The following TRPM3 variants were observed in gnomAD, a reference collection of about 807,000 sequenced individuals.
TRPM3 encodes the protein transient receptor potential cation channel subfamily M member 3.
TRPM3 carries 77 observed loss-of-function variants against 181.2 expected under a neutral mutation model. That is an observed-to-expected ratio of 0.42 (90% CI 0.35 to 0.51). TRPM3 has a LOEUF of 0.51. Ranked by LOEUF, TRPM3 falls within the 20% of genes least tolerant of loss-of-function variation. The pLI is 0.01. For synonymous variants in TRPM3, 745 were observed against 796.4 expected (o/e 0.94, Z 1.09); for missense variants, 1,759 against 2,196.7 (o/e 0.80, Z 3.98).
At chr9:70,592,793 C>T (rs780296659) in intron 21 of TRPM3, among the ~76,000 whole-genome samples, 2 of 152,032 alleles carry the variant, frequency 1.3e-5, no homozygotes, top group African/African-American at 4.8e-5. Flanking sequence ...TGCAGTGGAG[C>T]GATCTCGGCT....
intron 1 of TRPM3, among the ~76,000 whole-genome samples, chr9:71,388,112 A>G (rs773043314): frequency 3.3e-5 from 5 of 152,166 alleles, no homozygotes; most frequent in Non-Finnish European, 7.4e-5. Context: ...TCTTGGCAGC[A>G]TCCATCTTAC....
intron 1 of TRPM3, among the ~76,000 whole-genome samples, chr9:70,891,936 C>A (rs765819119): frequency 6.6e-6 from 1 of 152,136 alleles, no homozygotes; most frequent in Non-Finnish European, 1.5e-5. Context: ...CTTACCATAT[C>A]CCAGAGTTTC....
intron 1 of TRPM3, among the ~76,000 whole-genome samples, chr9:71,172,306 G>A (rs1204489012): frequency 3.3e-5 from 5 of 152,138 alleles, no homozygotes; most frequent in Non-Finnish European, 5.9e-5. Flanking sequence ...TCTCATTCCT[G>A]ATAGAGGAAC....
chr9:70,556,761 T>G (rs1274200752), intron 22 of TRPM3, among the ~76,000 whole-genome samples: 2 of 152,164 alleles, frequency 1.3e-5, no homozygotes, highest in African/African-American at 4.8e-5. Flanking sequence ...CTCTGCCATT[T>G]TCAAATGATC....
chr9:71,018,384 GTGGT>G (rs1488582469), intron 1 of TRPM3, among the ~76,000 whole-genome samples: 1 of 151,586 alleles, frequency 6.6e-6, no homozygotes, highest in Non-Finnish European at 1.5e-5. Flanking sequence ...GAAGCAAAAG[GTGGT>G]TTTTAGAAAA....
intron 1 of TRPM3, among the ~76,000 whole-genome samples, chr9:71,323,489 A>G (rs558363671): frequency 6.6e-6 from 1 of 152,258 alleles, no homozygotes; most frequent in Admixed American, 6.5e-5. Context: ...TCACCAAACT[A>G]GTAAGAATTA....
At chr9:70,793,976 G>A (rs960806786) in intron 6 of TRPM3, among the ~76,000 whole-genome samples, 1 of 152,158 alleles carries the variant, frequency 6.6e-6, no homozygotes, top group African/African-American at 2.4e-5. Flanking sequence ...TTGGCAAGTT[G>A]TGTATTAGCT....
chr9:71,147,303 C>G (rs573399916), intron 1 of TRPM3, among the ~76,000 whole-genome samples: 43 of 152,084 alleles, frequency 2.8e-4, no homozygotes, highest in African/African-American at 1.0e-3. Context: ...TTATGTAGAG[C>G]ATTATCCCTA....
At chr9:71,155,892 T>C (rs2134663074) in intron 1 of TRPM3, among the ~76,000 whole-genome samples, 1 of 152,248 alleles carries the variant, frequency 6.6e-6, no homozygotes, top group South Asian at 2.1e-4. Flanking sequence ...AATGGAAACC[T>C]GAATACAGAG....
intron 1 of TRPM3, among the ~76,000 whole-genome samples, chr9:71,263,250 A>C (rs566772381): frequency 6.6e-6 from 1 of 152,232 alleles, no homozygotes; most frequent in African/African-American, 2.4e-5. Context: ...GTTTGCTTAC[A>C]TTTTTTTAAA....
At chr9:71,298,118 A>G (rs1265817635) in intron 1 of TRPM3, among the ~76,000 whole-genome samples, 1 of 152,188 alleles carries the variant, frequency 6.6e-6, no homozygotes, top group Admixed American at 6.5e-5. Context: ...TTCCTCTAGT[A>G]AACTGAGTCA....
chr9:70,830,403 A>G (rs778622245), intron 5 of TRPM3, among the ~76,000 whole-genome samples: 11 of 152,148 alleles, frequency 7.2e-5, no homozygotes, highest in Non-Finnish European at 1.5e-4. Context: ...TTCTTGTGAA[A>G]CATAGCTCAG....
chr9:70,779,019 C>T (rs1198890528), intron 7 of TRPM3, among the ~76,000 whole-genome samples: 1 of 152,080 alleles, frequency 6.6e-6, no homozygotes, highest in Non-Finnish European at 1.5e-5. Flanking sequence ...AGCCATACAA[C>T]ATTTTTTTTT....
intron 6 of TRPM3, among the ~76,000 whole-genome samples, chr9:70,813,189 T>C (rs2092313370): frequency 6.6e-6 from 1 of 152,224 alleles, no homozygotes; most frequent in Non-Finnish European, 1.5e-5. Flanking sequence ...TGTAGCACTT[T>C]ATATTACTAA....
Position 71,256,527 on chromosome 9 carries a change from A to G in TRPM3, c.183+190126T>C, listed in dbSNP as rs552366686. ...TGCCATACTGGGGAGTATGGAGGGGAAAAAAAAAGATTCCTTGGGTGTGCC... is the reference window on the plus strand; with the variant it reads ...TGCCATACTGGGGAGTATGGAGGGGGAAAAAAAAGATTCCTTGGGTGTGCC... On this transcript the variant is annotated intron_variant, in intron 1 of 24. Transcript: ENST00000357533. Among the ~76,000 whole-genome samples the G allele has an allele frequency of 2.4e-3, 351 of 146,084 alleles. 2 individuals are homozygous for G. Among genetic ancestry groups the G allele is most frequent in the Middle Eastern group, 0.017 (5 of 294 alleles).
intron 1 of TRPM3, among the ~76,000 whole-genome samples, chr9:71,434,408 C>A (rs551706209): frequency 6.6e-4 from 101 of 152,238 alleles, no homozygotes; most frequent in Admixed American, 2.0e-3. Context: ...CACCAATCAT[C>A]AAATCTGCCA....
intron 9 of TRPM3, among the ~76,000 whole-genome samples, chr9:70,642,818 A>G (rs1050365361): frequency 4.6e-5 from 7 of 152,330 alleles, no homozygotes; most frequent in East Asian, 3.9e-4. Flanking sequence ...TTTAAGACAC[A>G]GGTTCTTGGG....
At chr9:71,266,249 G>A (rs2083384992) in intron 1 of TRPM3, among the ~76,000 whole-genome samples, 2 of 151,948 alleles carry the variant, frequency 1.3e-5, no homozygotes, top group Admixed American at 1.3e-4. Flanking sequence ...TATGATTCTG[G>A]GCACTGATAC....
In TRPM3 at chr9:71,255,128, T is replaced by C. The variant is rs569888054; in HGVS notation, c.183+191525A>G. On this transcript the variant is annotated intron_variant, in intron 1 of 24. Transcript: ENST00000357533. ...TTACTGGATTGACTTTAAGCAAACA[T>C]GACCAGAACCTACCACTGTGACCAT... is the stretch of plus-strand genomic sequence containing the variant. 2.0e-5 allele frequency among the ~76,000 whole-genome samples: 3 copies of C among 152,308 alleles called. No individual in the cohort carries two copies. In the East Asian group the frequency reaches 5.8e-4, roughly 29 times the overall value.
Sources: gnomAD v4.1 joint callset for allele counts (sites outside exome capture counted in the v4.1 genomes callset) on GRCh38, gnomAD v4.1.1 for gene constraint, MANE v1.5 for transcripts, NCBI Gene and HGNC (gene_info 2026-07-23, HGNC 2026-07-21) for gene names.